The following HADH variants were observed in gnomAD, a reference collection of about 807,000 sequenced individuals.
The protein encoded by HADH is hydroxyacyl-coenzyme A dehydrogenase, mitochondrial.
A neutral mutation model predicts 32.2 loss-of-function variants in HADH; 24 were observed. That is an observed-to-expected ratio of 0.75 (90% confidence interval 0.54 to 1.05). The LOEUF (loss-of-function observed/expected upper bound fraction) is 1.05. Ranked by LOEUF, HADH falls within the 50% of genes least tolerant of loss-of-function variation. HADH has a pLI of 0.00. For synonymous variants in HADH, 139 were observed against 152.5 expected (o/e 0.91, Z 0.65); for missense variants, 350 against 397.1 (o/e 0.88, Z 1.01).
In HADH at chr4:108,009,832, G is replaced by C. The variant is rs750557828; in HGVS notation, c.206G>C (p.Gly69Ala). The part of the protein sequence containing the change: ...TEDILAKSKK[G>A]IEESLRKVAK... Reference sequence around the variant, plus strand: ...GACATCCTGGCAAAATCCAAAAAGGGAATTGAGGAAAGCCTTAGGAAAGTG... The same window carrying C: ...GACATCCTGGCAAAATCCAAAAAGGCAATTGAGGAAAGCCTTAGGAAAGTG... The change falls in exon 2 of 8, where the codon GGA (glycine) becomes GCA (alanine). Residue 69 changes from glycine (G) to alanine (A), a missense_variant. Transcript: ENST00000309522. The C allele has an allele frequency of 6.2e-7, 1 of 1,611,942 alleles. No individual in the cohort carries two copies. The highest frequency in any genetic ancestry group is 2.2e-5 in the East Asian group (1 of 44,864).
intron 6 of HADH, chr4:108,032,442 C>CA (rs1382257147): frequency 2.0e-5 from 19 of 929,348 alleles, no homozygotes; most frequent in South Asian, 2.9e-5. Context: ...TTGTAAAACC[C>CA]AAAAAACTGG....
chr4:108,026,692 G>A (rs1736080166), intron 5 of HADH: 1 of 152,126 alleles, frequency 6.6e-6, no homozygotes, highest in Non-Finnish European at 1.5e-5. Context: ...GGAGTGCCTG[G>A]TCATCTGTAA....
At chr4:107,991,167 A>T (rs78475429) in intron 1 of HADH, among the ~76,000 whole-genome samples, 26,266 of 148,930 alleles carry the variant, frequency 0.18, 2,786 homozygotes, top group African/African-American at 0.31. Flanking sequence ...TTTTTTTTTT[A>T]AAAATTATTC....
chr4:108,013,190 CG>C (rs1735564828), intron 2 of HADH, among the ~76,000 whole-genome samples: 1 of 152,178 alleles, frequency 6.6e-6, no homozygotes, highest in African/African-American at 2.4e-5. Context: ...CTCGGCCTCC[CG>C]AAGTGCTGGG....
chr4:108,001,545 A>G (rs548297646), intron 1 of HADH, among the ~76,000 whole-genome samples: 1 of 152,376 alleles, frequency 6.6e-6, no homozygotes, highest in East Asian at 1.9e-4. Flanking sequence ...TTAGTAGACC[A>G]TTGATAAGTT....
rs1287309428 is a variant in HADH, at chr4:108,019,642, A to G, written c.522A>G (p.Pro174=). 1.2e-6 allele frequency: 2 copies of G among 1,614,106 alleles called. No individual in the cohort carries two copies. The highest frequency in any genetic ancestry group is 8.5e-7 in the Non-Finnish European group (1 of 1,179,992). ...TCGCTGGCCTCCATTTCTTCAACCCAGTGCCTGTCATGAAACTTGTGGAGG... is the reference window on the plus strand; with the variant it reads ...TCGCTGGCCTCCATTTCTTCAACCCGGTGCCTGTCATGAAACTTGTGGAGG... ...DRFAGLHFFN[P]VPVMKLVEVI... The change falls in exon 4 of 8, where the codon CCA becomes CCG. Residue 174 remains proline (P), a synonymous_variant. Coordinates refer to ENST00000309522, the MANE Select transcript of HADH (RefSeq NM_005327.7).
At chr4:108,020,558 A>G (rs1360244083) in intron 4 of HADH, among the ~76,000 whole-genome samples, 2 of 152,254 alleles carry the variant, frequency 1.3e-5, no homozygotes, top group East Asian at 3.9e-4. Flanking sequence ...TGGAGCGGGG[A>G]GGCAGGGAGG....
At chr4:108,001,350 T>C (rs1158482188) in intron 1 of HADH, among the ~76,000 whole-genome samples, 1 of 152,180 alleles carries the variant, frequency 6.6e-6, no homozygotes, top group Non-Finnish European at 1.5e-5. Context: ...GGAAATTATA[T>C]TGGAAACAGA....
chr4:108,032,328 C>A (rs745519270), intron 6 of HADH: 1 of 1,595,090 alleles, frequency 6.3e-7, no homozygotes, highest in Non-Finnish European at 8.6e-7. Flanking sequence ...ACTCAACAGA[C>A]TTCCAAACGT....
chr4:108,034,507 T>G lies in HADH; in HGVS notation c.*150T>G. On this transcript the variant is annotated 3_prime_UTR_variant, in exon 8 of 8. Coordinates refer to ENST00000309522, the MANE Select transcript of HADH (RefSeq NM_005327.7). ...TTTGATTGTAATCTATCGAAGTGAT[T>G]ATTACACCAGTTACAGCAGTAATAG... The G allele has an allele frequency of 1.4e-6, 1 of 713,822 alleles. No individual in the cohort carries two copies. Among genetic ancestry groups the G allele is most frequent in the South Asian group, 1.4e-5 (1 of 70,066 alleles). The allele number at this position is 713,822 out of a possible 1,614,324, so 44.2% of individuals were successfully genotyped here. A position where few individuals can be genotyped will look rare whatever the true frequency, so the allele number is the denominator to read the frequency against.
intron 1 of HADH, among the ~76,000 whole-genome samples, chr4:108,007,947 C>T (rs1223685240): frequency 1.3e-5 from 2 of 152,174 alleles, no homozygotes; most frequent in Non-Finnish European, 2.9e-5. Context: ...GGCAAGGAAC[C>T]TTGCACTTTT....
At chr4:108,014,676 G>A in intron 3 of HADH, 88 bp downstream of exon 3, 1 of 1,201,532 alleles carries the variant, frequency 8.3e-7, no homozygotes, top group East Asian at 2.5e-5. Context: ...ATAGATTTGT[G>A]AGTACAAGTG....
intron 1 of HADH, among the ~76,000 whole-genome samples, chr4:108,007,884 G>A (rs1382870431): frequency 1.3e-5 from 2 of 152,184 alleles, no homozygotes; most frequent in Non-Finnish European, 2.9e-5. Flanking sequence ...ACTTGAAGCT[G>A]CCCTTAGAAG....
chr4:107,991,576 C>T (rs1734813577), intron 1 of HADH, among the ~76,000 whole-genome samples: 1 of 152,102 alleles, frequency 6.6e-6, no homozygotes, highest in Admixed American at 6.5e-5. Context: ...TTTGGACATA[C>T]ATTGCCCTTT....
intron 2 of HADH, among the ~76,000 whole-genome samples, 173 bp from the exon 3 acceptor site, chr4:108,014,258 A>G (rs2126229123): frequency 6.6e-6 from 1 of 152,368 alleles, no homozygotes; most frequent in African/African-American, 2.4e-5. Context: ...AATGGATGGC[A>G]GGGAGCTATG....
chr4:108,025,393 G>A (rs2126235563), intron 5 of HADH: 1 of 152,234 alleles, frequency 6.6e-6, no homozygotes, highest in Admixed American at 6.5e-5. Context: ...TAACCTCGCT[G>A]TGCCTCAGTG....
At chr4:108,012,255 G>A (rs897135712) in intron 2 of HADH, among the ~76,000 whole-genome samples, 1 of 151,968 alleles carries the variant, frequency 6.6e-6, no homozygotes, top group Non-Finnish European at 1.5e-5. Context: ...TTAGATGATG[G>A]TGGAGATAAT....
At chr4:107,994,601 AG>A (rs1734902014) in intron 1 of HADH, among the ~76,000 whole-genome samples, 1 of 152,226 alleles carries the variant, frequency 6.6e-6, no homozygotes, top group South Asian at 2.1e-4. Context: ...GAGAAGTTTC[AG>A]GATCACAGGA....
At chr4:107,995,736 C>G (rs570520060) in intron 1 of HADH, among the ~76,000 whole-genome samples, 1 of 152,194 alleles carries the variant, frequency 6.6e-6, no homozygotes, top group East Asian at 1.9e-4. Flanking sequence ...CTCTTCTGTT[C>G]TGCTGCCTGT....
Sources: gnomAD v4.1 joint callset for allele counts (sites outside exome capture counted in the v4.1 genomes callset) on GRCh38, gnomAD v4.1.1 for gene constraint, MANE v1.5 for transcripts, NCBI Gene and HGNC (gene_info 2026-07-23, HGNC 2026-07-21) for gene names.